The following PCDHGA6 variants were observed in gnomAD, a reference collection of about 807,000 sequenced individuals.
The protein encoded by PCDHGA6 is protocadherin gamma subfamily A, 6, also known as protocadherin gamma-A6.
PCDHGA6 carries 41 observed loss-of-function variants against 60.6 expected under a neutral mutation model. The observed-to-expected ratio is 0.68, with a 90% CI of 0.53 to 0.88. The LOEUF is 0.88. Among genes scored for constraint, PCDHGA6 ranks in the 40% least tolerant of loss-of-function variants. The pLI is 0.00. For synonymous variants in PCDHGA6, 594 were observed against 524.4 expected (o/e 1.13, Z -1.81); for missense variants, 1,312 against 1,203.0 (o/e 1.09, Z -1.34).
intron 1 of PCDHGA6, chr5:141,421,807 G>C (rs1435916603): frequency 6.2e-7 from 1 of 1,613,852 alleles, no homozygotes; most frequent in Admixed American, 1.7e-5. Flanking sequence ...CAAGAATCCA[G>C]AGCTAGTACT....
chr5:141,472,071 A>T (rs1243864250), intron 1 of PCDHGA6, among the ~76,000 whole-genome samples: 5 of 152,200 alleles, frequency 3.3e-5, no homozygotes, highest in South Asian at 2.1e-4. Context: ...GTCTGTGGTT[A>T]TATCAATGAG....
Position 141,485,011 on chromosome 5 carries a change from C to G in PCDHGA6, c.2425-9796C>G, listed in dbSNP as rs2099605048. 3.2e-6 allele frequency: 2 copies of G among 631,064 alleles called. No homozygotes were observed. The highest frequency in any genetic ancestry group is 5.5e-5 in the East Asian group (2 of 36,662). The allele number at this position is 631,064 out of a possible 1,614,324, so 39.1% of individuals were successfully genotyped here. A position where few individuals can be genotyped will look rare whatever the true frequency, so the allele number is the denominator to read the frequency against. Reference sequence around the variant, plus strand: ...TGGTGAAAGGCAGACAAATCTACCCCGCCACCAGCAAAAACGGCGCGTAAC... The same window carrying G: ...TGGTGAAAGGCAGACAAATCTACCCGGCCACCAGCAAAAACGGCGCGTAAC... On this transcript the variant is annotated intron_variant, in intron 1 of 3. Coordinates refer to ENST00000517434, the MANE Select transcript of PCDHGA6 (RefSeq NM_018919.3). This position sits in a 1 kb window ranked among gnomAD's most constrained non-coding sequence, Gnocchi z 5.7.
rs2097400915 is a variant in PCDHGA6, at chr5:141,431,619, A to G, written c.2424+55112A>G. The stretch of plus-strand genomic sequence containing the variant: ...TATTCCTTCCGGTATGTGGACGACA[A>G]GGCGGCCCAAGTTTTCAAACTAGAT... On this transcript the variant is annotated intron_variant, in intron 1 of 3. Coordinates refer to ENST00000517434, the MANE Select transcript of PCDHGA6 (RefSeq NM_018919.3). The surrounding 1 kb of genome is among the most constrained non-coding windows in gnomAD (Gnocchi z 4.8). 3.1e-6 allele frequency: 5 copies of G among 1,614,230 alleles called. No homozygotes were observed. The highest frequency in any genetic ancestry group is 4.5e-5 in the East Asian group (2 of 44,880).
Position 141,431,883 on chromosome 5 carries a change from A to T in PCDHGA6, c.2424+55376A>T, listed in dbSNP as rs748968989. 6.8e-6 allele frequency: 11 copies of T among 1,614,118 alleles called. No individual in the cohort carries two copies. The highest frequency in any genetic ancestry group is 1.1e-5 in the South Asian group (1 of 91,084). On this transcript the variant is annotated intron_variant, in intron 1 of 3. Transcript: ENST00000517434. The surrounding 1 kb of genome is among the most constrained non-coding windows in gnomAD (Gnocchi z 4.8). ...GCCCTTTTAAATGTAAATGACCAAG[A>T]TTCTGAGGAAAACGGACAGGTGATC...
chr5:141,476,367 G>C lies in PCDHGA6; in HGVS notation c.2425-18440G>C, dbSNP rs754652710. ...TTCTTTGAGGTGAACCGGGAGACCG[G>C]AGAGATGTTTGTGAACGACCGTCTG... On this transcript the variant is annotated intron_variant, in intron 1 of 3. Transcript: ENST00000517434. This position sits in a 1 kb window ranked among gnomAD's most constrained non-coding sequence, Gnocchi z 7.6. 6.2e-7 allele frequency: 1 copy of C among 1,614,172 alleles called. No homozygotes were observed. Among genetic ancestry groups the C allele is most frequent in the Non-Finnish European group, 8.5e-7 (1 of 1,180,036 alleles).
In PCDHGA6 at chr5:141,493,364, TTGGAAC is replaced by T. The variant is rs1405602213; in HGVS notation, c.2425-1441_2425-1436del. Among the ~76,000 whole-genome samples, 1 of 152,184 alleles carries T rather than the reference TTGGAAC, an allele frequency of 6.6e-6. No homozygotes were observed. Among genetic ancestry groups the T allele is most frequent in the South Asian group, 2.1e-4 (1 of 4,824 alleles). On this transcript the variant is annotated intron_variant, in intron 1 of 3. Coordinates refer to ENST00000517434, the MANE Select transcript of PCDHGA6 (RefSeq NM_018919.3). The surrounding 1 kb of genome is among the most constrained non-coding windows in gnomAD (Gnocchi z 4.3). Reference sequence around the variant, plus strand: ...ATGTGTGCTTTTAATTTCTTGGCACTTGGAACTTTAAAAGCTTGAGGACAGGAGAGG... The same window carrying T: ...ATGTGTGCTTTTAATTTCTTGGCACTTTTAAAAGCTTGAGGACAGGAGAGG...
At chr5:141,473,439 A>G (rs2099322281) in intron 1 of PCDHGA6, among the ~76,000 whole-genome samples, 1 of 152,210 alleles carries the variant, frequency 6.6e-6, no homozygotes, top group African/African-American at 2.4e-5. Flanking sequence ...TTGCTTATGC[A>G]AAAATAATTA....
chr5:141,507,151 G>C (rs1423834553), intron 3 of PCDHGA6: 2 of 152,192 alleles, frequency 1.3e-5, no homozygotes, highest in African/African-American at 4.8e-5. Context: ...TATTACCTGA[G>C]CAGGATGAGA....
intron 1 of PCDHGA6, chr5:141,404,186 C>A (rs767632448): frequency 1.2e-6 from 2 of 1,612,966 alleles, no homozygotes; most frequent in Middle Eastern, 1.6e-4. Flanking sequence ...AATTCTTGAC[C>A]GAGAAAAAGC....
Position 141,454,782 on chromosome 5 carries a change from C to A in PCDHGA6, c.2425-40025C>A, listed in dbSNP as rs116242508. On this transcript the variant is annotated intron_variant, in intron 1 of 3. Transcript: ENST00000517434. ...GACATGTTTTTTACAAGGAAATAAT[C>A]CTCCATGGTTCTAATTTTTTTTTTT... is the stretch of plus-strand genomic sequence containing the variant. 8.4e-3 allele frequency among the ~76,000 whole-genome samples: 1,205 copies of A among 143,216 alleles called. 20 individuals are homozygous for A. Among genetic ancestry groups the A allele is most frequent in the African/African-American group, 0.03 (1,150 of 37,952 alleles). The allele number at this position is 143,216 out of a possible 152,430, so 94.0% of individuals were successfully genotyped here. A position where few individuals can be genotyped will look rare whatever the true frequency, so the allele number is the denominator to read the frequency against.
At chr5:141,478,329 C>T (rs1295950117) in intron 1 of PCDHGA6, 1 of 1,613,982 alleles carries the variant, frequency 6.2e-7, no homozygotes, top group African/African-American at 1.3e-5. Context: ...TACCGAACAC[C>T]AGGGCCCTCC....
intron 2 of PCDHGA6, among the ~76,000 whole-genome samples, chr5:141,500,184 T>TTTTATTTATTTATTTA (rs58019021): frequency 1.5e-5 from 2 of 135,886 alleles, no homozygotes; most frequent in African/African-American, 5.4e-5. Flanking sequence ...TCATTTTTAT[T>TTTTATTTATTTATTTA]TTTATTTATT....
At position 141,375,535 on chromosome 5, in the gene PCDHGA6, C is replaced by A. The variant is rs548065153; in HGVS notation, c.1452C>A (p.Asn484Lys). 105 of 1,613,900 alleles carry A rather than the reference C, an allele frequency of 6.5e-5. No individual in the cohort carries two copies. The highest frequency in any genetic ancestry group is 8.3e-5 in the Non-Finnish European group (98 of 1,179,938). The change falls in exon 1 of 4, where the codon AAC becomes AAA. Residue 484 changes from asparagine (N) to lysine (K), a missense_variant. By Grantham distance (94) the Asn-to-Lys change is moderately conservative. Coordinates refer to ENST00000517434, the MANE Select transcript of PCDHGA6 (RefSeq NM_018919.3). Reference sequence around the variant, plus strand: ...CACTGGACCCTGACGTGGACCAGAACGCCCAAGTCTCCTACTCACTGGCAG... The same window carrying A: ...CACTGGACCCTGACGTGGACCAGAAAGCCCAAGTCTCCTACTCACTGGCAG... ...VNALDPDVDQ[N>K]AQVSYSLAED...
chr5:141,388,310 A>G, intron 1 of PCDHGA6: 1 of 1,613,880 alleles, frequency 6.2e-7, no homozygotes, highest in Non-Finnish European at 8.5e-7. Flanking sequence ...AGCTGCAAAT[A>G]AGTGAGTCTG....
chr5:141,500,232 G>A (rs1024752888), intron 2 of PCDHGA6, among the ~76,000 whole-genome samples: 1 of 137,690 alleles, frequency 7.3e-6, no homozygotes, highest in South Asian at 2.3e-4. Flanking sequence ...TTATTGATAC[G>A]TAGCCTTGCT....
intron 1 of PCDHGA6, chr5:141,442,421 T>G (rs1288481455): frequency 1.3e-5 from 2 of 152,290 alleles, no homozygotes; most frequent in East Asian, 3.9e-4. Flanking sequence ...TGAACTTCTT[T>G]TTTGAATCCC....
Position 141,476,129 on chromosome 5 carries a change from G to A in PCDHGA6, c.2425-18678G>A. ...GCTTTTGAGTGAGATGGTCCCAGAG[G>A]CCTGGAGGAGCGGACTGGTAAGCAC... On this transcript the variant is annotated intron_variant, in intron 1 of 3. Transcript: ENST00000517434. This position sits in a 1 kb window ranked among gnomAD's most constrained non-coding sequence, Gnocchi z 7.6. The A allele has an allele frequency of 6.2e-7, 1 of 1,606,848 alleles. No homozygotes were observed. The highest frequency in any genetic ancestry group is 8.5e-7 in the Non-Finnish European group (1 of 1,177,814).
At chr5:141,465,504 G>T (rs2099104593) in intron 1 of PCDHGA6, among the ~76,000 whole-genome samples, 2 of 152,152 alleles carry the variant, frequency 1.3e-5, no homozygotes. Context: ...GCATTGTCGT[G>T]GTCAGGAAGG....
chr5:141,496,276 G>C (rs1189269883), intron 2 of PCDHGA6, among the ~76,000 whole-genome samples: 1 of 152,204 alleles, frequency 6.6e-6, no homozygotes, highest in Admixed American at 6.5e-5. Flanking sequence ...AAGACCTTCA[G>C]TTGGTCTGAG....
Sources: allele counts gnomAD v4.1 joint callset (sites outside exome capture counted in the v4.1 genomes callset), GRCh38; gene constraint gnomAD v4.1.1; non-coding constraint Gnocchi (gnomAD v3.1); transcripts MANE v1.5; gene names NCBI Gene and HGNC (gene_info 2026-07-23, HGNC 2026-07-21).